Variants in SLC38A8 observed in about 807,000 individuals in gnomAD.
The protein encoded by SLC38A8 is amino acid transporter SLC38A8.
A neutral mutation model predicts 46.0 loss-of-function variants in SLC38A8; 65 were observed. The observed-to-expected ratio is 1.41, with a 90% CI of 1.16 to 1.74. The LOEUF (loss-of-function observed/expected upper bound fraction) is 1.74, where lower values mean the gene tolerates loss of function less well. Ranked by LOEUF, SLC38A8 falls within the 40% of genes most tolerant of loss-of-function variation. The pLI, the probability that SLC38A8 is intolerant of heterozygous loss-of-function variation, is 0.00. For synonymous variants in SLC38A8, 447 were observed against 243.7 expected (o/e 1.83, Z -7.77); for missense variants, 998 against 567.9 (o/e 1.76, Z -7.70).
Position 84,017,028 on chromosome 16 carries a change from T to C in SLC38A8, c.953+112A>G, listed in dbSNP as rs538823590. ...TGTGCCTGTTTCCTCCTGTCTACAA[T>C]TGGAGAGGATGGTAGTCCCACAGCC... On this transcript the variant is annotated intron_variant, in intron 8 of 10. Transcript: ENST00000299709. 1.8e-4 allele frequency: 256 copies of C among 1,407,942 alleles called. 3 individuals are homozygous for C. In the South Asian group the frequency reaches 3.0e-3, roughly 16 times the overall value. 87.2% of individuals were successfully genotyped at this position (1,407,942 alleles called of 1,614,324 possible).
chr16:84,028,846 C>A lies in SLC38A8; in HGVS notation c.690+648G>T, dbSNP rs566200868. On this transcript the variant is annotated intron_variant, in intron 6 of 10. Transcript: ENST00000299709. ...CTGGGGTGCGCTTCCAGTCACCTGG[C>A]TGCTGCCCATACATCCTTCAAGATC... is the stretch of plus-strand genomic sequence containing the variant. Among the ~76,000 whole-genome samples, 7 of 152,300 alleles carry A rather than the reference C, an allele frequency of 4.6e-5. No individual in the cohort carries two copies. The South Asian group carries it at 1.4e-3, about 32-fold the overall frequency.
intron 8 of SLC38A8, 57 bp downstream of exon 8, chr16:84,017,083 C>G (rs898274852): frequency 3.9e-5 from 62 of 1,600,974 alleles, no homozygotes; most frequent in Non-Finnish European, 5.1e-5. Flanking sequence ...CATGCTCAAT[C>G]ACAGCACACA....
At chr16:84,014,527 G>T (rs995250621) in intron 9 of SLC38A8, among the ~76,000 whole-genome samples, 1 of 151,928 alleles carries the variant, frequency 6.6e-6, no homozygotes, top group African/African-American at 2.4e-5. Flanking sequence ...CAAGGGAGAA[G>T]CCACATGGCC....
At chr16:84,014,592 G>A (rs1468175950) in intron 9 of SLC38A8, among the ~76,000 whole-genome samples, 2 of 152,246 alleles carry the variant, frequency 1.3e-5, no homozygotes, top group East Asian at 3.9e-4. Context: ...GAGCCACATG[G>A]CCACTCCCCT....
intron 9 of SLC38A8, among the ~76,000 whole-genome samples, chr16:84,015,831 G>C (rs965349837): frequency 2.6e-5 from 4 of 152,166 alleles, no homozygotes; most frequent in Non-Finnish European, 4.4e-5. Flanking sequence ...TAAGCCTCCT[G>C]AGTAGCTGTG....
At chr16:84,019,961 C>T (rs1435237154) in intron 7 of SLC38A8, among the ~76,000 whole-genome samples, 4 of 152,232 alleles carry the variant, frequency 2.6e-5, no homozygotes, top group Non-Finnish European at 5.9e-5. Flanking sequence ...GTACAGCCCA[C>T]GTGTCTGTTC....
rs770237010 is a variant in SLC38A8, at chr16:84,009,832, G to A, written c.1260C>T (p.Thr420=). The A allele has an allele frequency of 6.2e-7, 1 of 1,613,964 alleles. No individual in the cohort carries two copies. The highest frequency in any genetic ancestry group is 8.5e-7 in the Non-Finnish European group (1 of 1,180,006). ...CCGCCGTGCTCTGCCCAAAGATGAA[G>A]GTGCCGACCAGCACAGAGACCACTC... ...VWGVVSVLVG[T]FIFGQSTAAA... Residue 420 remains threonine (T), a synonymous_variant, in exon 11 of 11, where the codon ACC becomes ACT. Coordinates refer to ENST00000299709, the MANE Select transcript of SLC38A8 (RefSeq NM_001080442.3).
chr16:84,016,802 C>G (rs1450203718), intron 8 of SLC38A8, 75 bp from the exon 9 acceptor site: 5 of 1,465,662 alleles, frequency 3.4e-6, no homozygotes, highest in Non-Finnish European at 3.7e-6. Context: ...GCTCCCCAGT[C>G]CTCCAGGAGT....
At chr16:84,033,180 A>G (rs2085264592) in intron 4 of SLC38A8, 148 bp downstream of exon 4, 1 of 1,060,362 alleles carries the variant, frequency 9.4e-7, no homozygotes, top group Non-Finnish European at 1.4e-6. Flanking sequence ...TCATGCATAC[A>G]TTTTACTTGT....
chr16:84,011,344 G>C (rs539891604), intron 10 of SLC38A8, among the ~76,000 whole-genome samples: 1 of 152,340 alleles, frequency 6.6e-6, no homozygotes, highest in East Asian at 1.9e-4. Context: ...GGAATGAGCG[G>C]CTTAGGGGGT....
intron 3 of SLC38A8, among the ~76,000 whole-genome samples, chr16:84,033,699 C>A (rs1347490912): frequency 2.0e-5 from 3 of 152,176 alleles, no homozygotes; most frequent in Non-Finnish European, 2.9e-5. Context: ...TTCCCCAAGC[C>A]CAGCACTGCT....
At chr16:84,029,431 G>C (rs1006360381) in intron 6 of SLC38A8, 63 bp downstream of exon 6, 3 of 1,565,872 alleles carry the variant, frequency 1.9e-6, no homozygotes, top group East Asian at 2.2e-5. Context: ...TTTCCCAAGG[G>C]AGCAGAGAGT....
At chr16:84,018,271 C>T (rs1347861121) in intron 7 of SLC38A8, among the ~76,000 whole-genome samples, 6 of 128,442 alleles carry the variant, frequency 4.7e-5, no homozygotes, top group Admixed American at 4.1e-4. Context: ...CTCTCTCTGT[C>T]GCCCAGGCTG....
Position 84,016,522 on chromosome 16 carries a change from G to GGAAGAT in SLC38A8, c.1153_1158dup (p.Ile385_Phe386dup). The stretch of plus-strand genomic sequence containing the variant: ...GCCTGGAAAGCAGGGGCCTCACCTG[G>GGAAGAT]GAAGATGAAGATGAAGAAGGAACTG... On this transcript the variant is annotated inframe_insertion, in exon 9 of 11. Transcript: ENST00000299709. 2 of 1,613,714 alleles carry GGAAGAT rather than the reference G, an allele frequency of 1.2e-6. No homozygotes were observed. Among genetic ancestry groups the GGAAGAT allele is most frequent in the Non-Finnish European group, 8.5e-7 (1 of 1,179,708 alleles).
At chr16:84,028,268 C>T (rs1332132245) in intron 6 of SLC38A8, among the ~76,000 whole-genome samples, 1 of 151,928 alleles carries the variant, frequency 6.6e-6, no homozygotes, top group East Asian at 1.9e-4. Context: ...TTTAGGACAT[C>T]GAGGCAAATC....
chr16:84,013,996 C>T (rs1436318546), intron 9 of SLC38A8, among the ~76,000 whole-genome samples: 1 of 152,058 alleles, frequency 6.6e-6, no homozygotes, highest in African/African-American at 2.4e-5. Flanking sequence ...AGCCGTGTGG[C>T]CACACCCTCA....
upstream of SLC38A8, among the ~76,000 whole-genome samples, chr16:84,042,861 A>G (rs1357075054): frequency 2.1e-5 from 3 of 145,408 alleles, no homozygotes; most frequent in Non-Finnish European, 3.1e-5. Context: ...AGCCCCCTGC[A>G]GGCCCGGCCC....
At chr16:84,036,988 T>C (rs1175749495) in intron 2 of SLC38A8, 88 bp from the exon 3 acceptor site, 10 of 1,309,650 alleles carry the variant, frequency 7.6e-6, no homozygotes, top group Non-Finnish European at 1.0e-5. Flanking sequence ...ACTCTCCACA[T>C]GGCTTCTCAT....
At chr16:84,032,197 G>A (rs951568421) in intron 4 of SLC38A8, among the ~76,000 whole-genome samples, 2 of 149,946 alleles carry the variant, frequency 1.3e-5, no homozygotes, top group Non-Finnish European at 3.0e-5. Context: ...TGTTGTTGTT[G>A]TTGTTTTTTG....
Sources: gnomAD v4.1 joint callset for allele counts (sites outside exome capture counted in the v4.1 genomes callset) on GRCh38, gnomAD v4.1.1 for gene constraint, MANE v1.5 for transcripts, NCBI Gene and HGNC (gene_info 2026-07-23, HGNC 2026-07-21) for gene names.